Variants in TET3 observed in about 807,000 individuals in gnomAD.
TET3 encodes methylcytosine dioxygenase TET3.
In TET3, 19 loss-of-function variants were observed where a neutral mutation model predicts 141.4. That is an observed-to-expected ratio of 0.13 (90% CI 0.09 to 0.20). The LOEUF (loss-of-function observed/expected upper bound fraction) is 0.20, where lower values mean the gene tolerates loss of function less well. Ranked by LOEUF, TET3 falls within the 10% of genes least tolerant of loss-of-function variation. The pLI, the probability that TET3 is intolerant of heterozygous loss-of-function variation, is 1.00. For synonymous variants in TET3, 1,043 were observed against 980.9 expected (o/e 1.06, Z -1.18); for missense variants, 1,874 against 2,356.9 (o/e 0.80, Z 4.24).
At chr2:74,111,727 CT>C (rs1238430541), downstream of TET3, among the ~76,000 whole-genome samples, 1 of 152,220 alleles carries the variant, frequency 6.6e-6, no homozygotes, top group African/African-American at 2.4e-5. Flanking sequence ...GGTTGAATGG[CT>C]TGCTCAAGAC....
intron 4 of TET3, among the ~76,000 whole-genome samples, chr2:74,055,482 A>G (rs1264297046): frequency 1.3e-5 from 2 of 152,176 alleles, no homozygotes; most frequent in Non-Finnish European, 2.9e-5. Context: ...AAAGCCTAAC[A>G]TTCTACCTGC....
chr2:74,122,520 T>A, the TET3 span: 7 of 119,168 alleles, frequency 5.9e-5, no homozygotes, highest in African/African-American at 1.2e-4. Context: ...TATTTTTTTT[T>A]TTTTTTTTTT....
chr2:74,006,406 G>A (rs986084618), intron 3 of TET3, among the ~76,000 whole-genome samples: 1 of 152,226 alleles, frequency 6.6e-6, no homozygotes, highest in East Asian at 1.9e-4. Flanking sequence ...CACCCTTTTT[G>A]AATGTCATGG....
At chr2:74,097,983 G>A (rs575372905) in intron 10 of TET3, among the ~76,000 whole-genome samples, 1 of 152,158 alleles carries the variant, frequency 6.6e-6, no homozygotes, top group Non-Finnish European at 1.5e-5. Context: ...CAACACAAGA[G>A]TAGAGAGTAA....
In TET3 at chr2:74,003,075, G is replaced by C. The variant is rs946621126; in HGVS notation, c.304-35G>C. On this transcript the variant is annotated intron_variant, in intron 2 of 11. Transcript: ENST00000409262. ...GGACTTTGCTGCCTTCCTGGTACCC[G>C]CCTGGCTCACACGTTCCTCTGGCTT... is the stretch of plus-strand genomic sequence containing the variant. 8 of 1,550,208 alleles carry C rather than the reference G, an allele frequency of 5.2e-6. No individual in the cohort carries two copies. In the Admixed American group the frequency reaches 1.6e-4, roughly 30 times the overall value.
At chr2:74,109,879 G>A (rs1691662162), downstream of TET3, among the ~76,000 whole-genome samples, 1 of 152,148 alleles carries the variant, frequency 6.6e-6, no homozygotes, top group Non-Finnish European at 1.5e-5. Context: ...GTACACCAAG[G>A]TTTATTAGCT....
chr2:74,028,639 T>C (rs995506976), intron 3 of TET3, among the ~76,000 whole-genome samples: 16 of 152,232 alleles, frequency 1.1e-4, no homozygotes, highest in Admixed American at 3.9e-4. Flanking sequence ...GATTGGTCTT[T>C]ATAGCTTTTT....
rs1213402549 is a variant in TET3, at chr2:74,046,255, T to TC, written c.361-23_361-22insC. On this transcript the variant is annotated intron_variant, in intron 3 of 11. Transcript: ENST00000409262. This position sits in a 1 kb window ranked among gnomAD's most constrained non-coding sequence, Gnocchi z 4.3. The stretch of plus-strand genomic sequence containing the variant: ...ATAGTGTGGTTCATTTTTTTCCTTT[T>TC]TCCCCCTTCTCTCTCTCTTTAGACA... 1 of 1,467,352 alleles carries TC rather than the reference T, an allele frequency of 6.8e-7. No individual in the cohort carries two copies. The highest frequency in any genetic ancestry group is 9.0e-7 in the Non-Finnish European group (1 of 1,111,440). 90.9% of individuals were successfully genotyped at this position (1,467,352 alleles called of 1,614,324 possible).
chr2:73,996,505 A>AT (rs775849550), intron 2 of TET3, among the ~76,000 whole-genome samples: 12 of 151,252 alleles, frequency 7.9e-5, no homozygotes, highest in East Asian at 1.9e-4. Context: ...ATAACCTAAG[A>AT]TTTTTTTTTA....
chr2:74,011,344 G>C (rs1419741151), intron 3 of TET3, among the ~76,000 whole-genome samples: 1 of 152,110 alleles, frequency 6.6e-6, no homozygotes, highest in Non-Finnish European at 1.5e-5. Context: ...TCAGCACCTG[G>C]ATCAAGAAAT....
At chr2:74,072,952 T>G (rs897481537) in intron 4 of TET3, among the ~76,000 whole-genome samples, 3 of 152,258 alleles carry the variant, frequency 2.0e-5, no homozygotes, top group Admixed American at 2.0e-4. Flanking sequence ...TGAGTAATAT[T>G]CTGTCATGTG....
At chr2:74,117,075 C>A in the TET3 span, among the ~76,000 whole-genome samples, 2 of 152,046 alleles carry the variant, frequency 1.3e-5, no homozygotes, top group South Asian at 4.1e-4. Flanking sequence ...TGATTGGGAG[C>A]AGAAGAGGTG....
At chr2:74,121,551 G>C in the TET3 span, 1 of 152,206 alleles carries the variant, frequency 6.6e-6, no homozygotes, top group Admixed American at 6.5e-5. Context: ...AGATTTCTGA[G>C]GAGAAGGCAA....
At chr2:73,992,824 A>G (rs746037239) in intron 2 of TET3, among the ~76,000 whole-genome samples, 28 of 152,334 alleles carry the variant, frequency 1.8e-4, no homozygotes, top group Non-Finnish European at 3.5e-4. Flanking sequence ...CAGATTGTTT[A>G]AAAGGTGTTT....
intron 4 of TET3, 62 bp downstream of exon 4, chr2:74,048,473 T>G: frequency 6.7e-7 from 1 of 1,490,020 alleles, no homozygotes; most frequent in Non-Finnish European, 9.0e-7. Context: ...GAGCTAGGAT[T>G]TCTAGGCCCT....
chr2:74,007,074 T>C (rs1685190122), intron 3 of TET3, among the ~76,000 whole-genome samples: 1 of 152,240 alleles, frequency 6.6e-6, no homozygotes, highest in African/African-American at 2.4e-5. Flanking sequence ...AGAGAAATCA[T>C]TATTATTTGA....
At chr2:74,036,120 T>C (rs994317621) in intron 3 of TET3, among the ~76,000 whole-genome samples, 3 of 152,226 alleles carry the variant, frequency 2.0e-5, no homozygotes, top group South Asian at 2.1e-4. Context: ...GCTCTTCATA[T>C]ATTGTTTAAT....
the TET3 span, among the ~76,000 whole-genome samples, chr2:74,124,807 T>C: frequency 6.6e-6 from 1 of 152,104 alleles, no homozygotes; most frequent in Non-Finnish European, 1.5e-5. Context: ...CAGGGTCCTC[T>C]GTCTAGGAAA....
chr2:74,089,851 G>A (rs759839880), intron 7 of TET3, 46 bp from the exon 8 acceptor site: 56 of 1,605,344 alleles, frequency 3.5e-5, no homozygotes, highest in Non-Finnish European at 4.4e-5. Context: ...ACTCCAGAAC[G>A]AAGGGATATT....
Sources: allele counts gnomAD v4.1 joint callset (sites outside exome capture counted in the v4.1 genomes callset), GRCh38; gene constraint gnomAD v4.1.1; non-coding constraint Gnocchi (gnomAD v3.1); transcripts MANE v1.5; gene names NCBI Gene and HGNC (gene_info 2026-07-23, HGNC 2026-07-21).